Variants in PARVA observed in about 807,000 individuals in gnomAD.
PARVA encodes the protein parvin alpha.
In PARVA, 25 loss-of-function variants were observed where a neutral mutation model predicts 52.6. The ratio of observed to expected loss-of-function variants is 0.48; its 90% CI spans 0.35 to 0.66. The LOEUF (loss-of-function observed/expected upper bound fraction) is 0.66. Among genes scored for constraint, PARVA ranks in the 30% least tolerant of loss-of-function variants. The pLI, the probability that PARVA is intolerant of heterozygous loss-of-function variation, is 0.01. For synonymous variants in PARVA, 185 were observed against 179.1 expected, an observed-to-expected ratio of 1.03 and a Z score of -0.26; for missense variants, 373 against 450.9, an observed-to-expected ratio of 0.83 and a Z score of 1.56.
Position 12,511,528 on chromosome 11 carries a change from G to A in PARVA, c.731G>A (p.Arg244Lys), listed in dbSNP as rs766032343. Residue 244 changes from arginine (R) to lysine (K), a missense_variant, in exon 8 of 13, where the codon AGG becomes AAG. Arg to Lys is a conservative substitution (Grantham distance 26). Coordinates refer to ENST00000334956, the MANE Select transcript of PARVA (RefSeq NM_018222.5). The stretch of plus-strand genomic sequence containing the variant: ...TTTTCCTCCAGGGCTCTTTCCGGGA[G>A]GCATGGTAAGTCACATAAGATTGTC... ...ITGNTEALSG[R>K]HERDAFDTLF... 10 of 1,613,334 alleles carry A rather than the reference G, an allele frequency of 6.2e-6. No individual in the cohort carries two copies. In the Admixed American group the frequency reaches 1.2e-4, roughly 19 times the overall value.
At chr11:12,445,989 T>C (rs934690343) in intron 1 of PARVA, among the ~76,000 whole-genome samples, 1 of 152,184 alleles carries the variant, frequency 6.6e-6, no homozygotes, top group Admixed American at 6.5e-5. Context: ...TTCTGACTAT[T>C]GAAGCAATTG....
intron 12 of PARVA, among the ~76,000 whole-genome samples, chr11:12,519,648 A>G (rs940544963): frequency 1.1e-4 from 16 of 152,146 alleles, no homozygotes; most frequent in African/African-American, 3.4e-4. Flanking sequence ...CTGGGAGAGA[A>G]GTGTGTGCAT....
chr11:12,474,656 AACATCATCTCTACT>A, intron 3 of PARVA, among the ~76,000 whole-genome samples: 1 of 152,216 alleles, frequency 6.6e-6, no homozygotes, highest in South Asian at 2.1e-4. Context: ...AATGCGATGA[AACATCATCTCTACT>A]GAAAGTACAA....
At chr11:12,376,704 G>A, upstream of PARVA, 3 of 983,924 alleles carry the variant, frequency 3.0e-6, no homozygotes, top group South Asian at 1.4e-4. Context: ...CAGACAGAAG[G>A]ACAAAGAGCC....
At chr11:12,525,809 T>C (rs1476489735) in intron 12 of PARVA, among the ~76,000 whole-genome samples, 1 of 152,098 alleles carries the variant, frequency 6.6e-6, no homozygotes, top group Non-Finnish European at 1.5e-5. Flanking sequence ...CATGGGTCTC[T>C]GGAAGCCCCT....
At chr11:12,472,928 G>C (rs758028148) in intron 1 of PARVA, among the ~76,000 whole-genome samples, 2 of 152,184 alleles carry the variant, frequency 1.3e-5, no homozygotes, top group Admixed American at 6.5e-5. Context: ...TTGTACTAAG[G>C]CTCCATGTGG....
chr11:12,493,086 T>A (rs4564316), intron 4 of PARVA, among the ~76,000 whole-genome samples: 52,146 of 152,018 alleles, frequency 0.34, 10,792 homozygotes, highest in East Asian at 0.56. Flanking sequence ...CTGAGTGTGG[T>A]GGCTCATGCC....
chr11:12,445,760 A>T (rs1231433012), intron 1 of PARVA, among the ~76,000 whole-genome samples: 1 of 152,066 alleles, frequency 6.6e-6, no homozygotes, highest in Non-Finnish European at 1.5e-5. Flanking sequence ...CTCCATACAT[A>T]TGGGGGCCAT....
chr11:12,380,639 G>T (rs903214), intron 1 of PARVA, among the ~76,000 whole-genome samples: 1 of 150,734 alleles, frequency 6.6e-6, no homozygotes, highest in African/African-American at 2.5e-5. Context: ...TGGAAATGGA[G>T]AATACCTAGC....
At chr11:12,407,781 G>C (rs1007286943) in intron 1 of PARVA, among the ~76,000 whole-genome samples, 4 of 152,198 alleles carry the variant, frequency 2.6e-5, no homozygotes, top group Non-Finnish European at 5.9e-5. Flanking sequence ...TCAGCATGAG[G>C]ACAGAGCCCT....
intron 4 of PARVA, among the ~76,000 whole-genome samples, chr11:12,482,557 C>G (rs1392953024): frequency 6.6e-6 from 1 of 150,410 alleles, no homozygotes; most frequent in African/African-American, 2.4e-5. Flanking sequence ...ACCCAGGAGG[C>G]AGAGGTTGCA....
At chr11:12,424,335 T>G (rs1414822709) in intron 1 of PARVA, among the ~76,000 whole-genome samples, 1 of 151,402 alleles carries the variant, frequency 6.6e-6, no homozygotes, top group Admixed American at 6.6e-5. Context: ...CTGTATTTAT[T>G]CTCTATTTAT....
At chr11:12,523,108 A>T (rs1209869573) in intron 12 of PARVA, among the ~76,000 whole-genome samples, 1 of 152,174 alleles carries the variant, frequency 6.6e-6, no homozygotes, top group Non-Finnish European at 1.5e-5. Flanking sequence ...ATTTAAAAAA[A>T]ATTTTTAATG....
At chr11:12,515,160 A>G (rs1451987795) in intron 10 of PARVA, among the ~76,000 whole-genome samples, 1 of 152,204 alleles carries the variant, frequency 6.6e-6, no homozygotes, top group Non-Finnish European at 1.5e-5. Flanking sequence ...GGATTTCCCT[A>G]TTATAAAGTT....
chr11:12,477,821 C>A, intron 3 of PARVA, 26 bp from the exon 4 acceptor site: 1 of 1,203,036 alleles, frequency 8.3e-7, no homozygotes, highest in Non-Finnish European at 1.2e-6. Context: ...CTTACTATTG[C>A]ACATTCCCTT....
intron 1 of PARVA, among the ~76,000 whole-genome samples, chr11:12,385,827 TA>T (rs1939564911): frequency 6.6e-6 from 1 of 152,214 alleles, no homozygotes; most frequent in Admixed American, 6.5e-5. Context: ...CATGAGAATG[TA>T]AAAACCATTC....
At chr11:12,513,389 A>C (rs1941527658) in intron 9 of PARVA, 29 bp downstream of exon 9, 3 of 1,594,528 alleles carry the variant, frequency 1.9e-6, no homozygotes, top group East Asian at 2.2e-5. Context: ...GGATGGACAG[A>C]GGGAAGCGAG....
rs1193303420 is a variant in PARVA, at chr11:12,534,219, A to C, written c.*6294A>C. Among the ~76,000 whole-genome samples, 1 of 152,206 alleles carries C rather than the reference A, an allele frequency of 6.6e-6. No homozygotes were observed. Among genetic ancestry groups the C allele is most frequent in the Non-Finnish European group, 1.5e-5 (1 of 68,032 alleles). Reference sequence around the variant, plus strand: ...AATCCATGAACAAGTGGACCTGCCCAGTTCAAATCATTGTTGTTCAAGGGT... The same window carrying C: ...AATCCATGAACAAGTGGACCTGCCCCGTTCAAATCATTGTTGTTCAAGGGT... On this transcript the variant is annotated 3_prime_UTR_variant, in exon 13 of 13. Coordinates refer to ENST00000334956, the MANE Select transcript of PARVA (RefSeq NM_018222.5).
Position 12,528,424 on chromosome 11 carries a change from G to A in PARVA, c.*499G>A, listed in dbSNP as rs1941731392. On this transcript the variant is annotated 3_prime_UTR_variant, in exon 13 of 13. Coordinates refer to ENST00000334956, the MANE Select transcript of PARVA (RefSeq NM_018222.5). ...AGGTTAAATGACTTGCCAGAAGTTG[G>A]AATTTTTTTCCTCTTTGAACATAAC... 1 of 157,696 alleles carries A rather than the reference G, an allele frequency of 6.3e-6. No individual in the cohort carries two copies. Among genetic ancestry groups the A allele is most frequent in the Non-Finnish European group, 1.4e-5 (1 of 71,094 alleles). The allele number at this position is 157,696 out of a possible 1,614,324, so 9.8% of individuals were successfully genotyped here.
Sources: gnomAD v4.1 joint callset for allele counts (sites outside exome capture counted in the v4.1 genomes callset) on GRCh38, gnomAD v4.1.1 for gene constraint, MANE v1.5 for transcripts, NCBI Gene and HGNC (gene_info 2026-07-23, HGNC 2026-07-21) for gene names.